REXO2: variants seen among roughly 807,000 people sequenced by gnomAD.
The protein encoded by REXO2 is RNA exonuclease 2.
REXO2 carries 17 observed loss-of-function variants against 30.9 expected under a neutral mutation model. The ratio of observed to expected loss-of-function variants is 0.55; its 90% CI spans 0.38 to 0.82. REXO2 has a LOEUF of 0.82. Among genes scored for constraint, REXO2 ranks in the 40% least tolerant of loss-of-function variants. The probability of loss-of-function intolerance (pLI) is 0.00; values close to 1 mark genes in which losing one functional copy is unlikely to be tolerated. For synonymous variants in REXO2, 105 were observed against 99.6 expected, an observed-to-expected ratio of 1.05 and a Z score of -0.32; for missense variants, 253 against 293.2, an observed-to-expected ratio of 0.86 and a Z score of 1.00.
At position 114,449,971 on chromosome 11, in the gene REXO2, G is replaced by A. The variant is rs894913070; in HGVS notation, c.710G>A (p.Ser237Asn). Residue 237 changes from serine (S) to asparagine (N), a missense_variant, in exon 7 of 7, where the codon AGT (serine) becomes AAT (asparagine). Coordinates refer to ENST00000265881, the MANE Select transcript of REXO2 (RefSeq NM_015523.4). The stretch of plus-strand genomic sequence containing the variant: ...AATGGGGAAAATGAGAAGACCGTGA[G>A]TTGATGCCAGTTATCATGCTGCCAC... Reference protein sequence around the residue: ...IENGENEKTVS With the variant: ...IENGENEKTVN 6 of 1,595,378 alleles carry A rather than the reference G, an allele frequency of 3.8e-6. No homozygotes were observed. The highest frequency in any genetic ancestry group is 2.7e-5 in the African/African-American group (2 of 73,650).
chr11:114,440,984 T>G (rs1194419909), intron 2 of REXO2: 1 of 384,402 alleles, frequency 2.6e-6, no homozygotes, highest in Non-Finnish European at 4.7e-6. Context: ...ACATAAATTC[T>G]GTCGTTTACT....
intron 2 of REXO2, 75 bp from the exon 3 acceptor site, chr11:114,443,781 C>A: frequency 9.3e-7 from 1 of 1,073,720 alleles, no homozygotes; most frequent in Non-Finnish European, 1.4e-6. Flanking sequence ...GTCCTTAAAA[C>A]AGCTTAAGCT....
chr11:114,449,437 T>TAGTA, intron 6 of REXO2, among the ~76,000 whole-genome samples: 1 of 90,114 alleles, frequency 1.1e-5, no homozygotes, highest in African/African-American at 7.8e-5. Context: ...TTTAGAAAAT[T>TAGTA]AATAAATTAG....
chr11:114,443,887 A>G lies in REXO2; in HGVS notation c.263A>G (p.Glu88Gly). ...AACCTGATTATAAAACAACCAGATG[A>G]GTTGCTGGACAGCATGTCAGATTGG... ...GPNLIIKQPD[E>G]LLDSMSDWCK... Residue 88 changes from glutamate (E) to glycine (G), a missense_variant, in exon 3 of 7, where the codon GAG becomes GGG. By Grantham distance (98) the Glu-to-Gly change is moderately conservative (BLOSUM62 -2). Transcript: ENST00000265881. The G allele has an allele frequency of 6.2e-7, 1 of 1,609,682 alleles. No individual in the cohort carries two copies. The highest frequency in any genetic ancestry group is 8.5e-7 in the Non-Finnish European group (1 of 1,178,006).
chr11:114,447,491 A>G (rs1239437460), intron 5 of REXO2, among the ~76,000 whole-genome samples: 4 of 152,078 alleles, frequency 2.6e-5, no homozygotes, highest in Non-Finnish European at 4.4e-5. Flanking sequence ...GGTGTTGACA[A>G]TGGTGGGTGT....
chr11:114,447,053 C>T (rs558427065), intron 5 of REXO2, among the ~76,000 whole-genome samples: 9 of 151,896 alleles, frequency 5.9e-5, no homozygotes, highest in African/African-American at 2.2e-4. Context: ...ATTCTCCTGC[C>T]TCAGCCTCCC....
chr11:114,447,911 T>G, intron 6 of REXO2, 32 bp downstream of exon 6: 1 of 1,576,416 alleles, frequency 6.3e-7, no homozygotes, highest in Non-Finnish European at 8.7e-7. Context: ...CGTTTTCCAG[T>G]CTGACACACA....
At chr11:114,448,828 C>G (rs1219237748) in intron 6 of REXO2, 1 of 152,210 alleles carries the variant, frequency 6.6e-6, no homozygotes, top group Admixed American at 6.5e-5. Flanking sequence ...ATAATAGGTT[C>G]TGTAAGTACT....
At chr11:114,442,949 T>C (rs1946488729) in intron 2 of REXO2, among the ~76,000 whole-genome samples, 1 of 152,224 alleles carries the variant, frequency 6.6e-6, no homozygotes, top group Non-Finnish European at 1.5e-5. Context: ...AGTGAACTAT[T>C]GGATTTTTGT....
chr11:114,444,110 T>C (rs1591211182), intron 3 of REXO2, 177 bp downstream of exon 3: 1 of 674,298 alleles, frequency 1.5e-6, no homozygotes, highest in East Asian at 2.9e-5. Context: ...CCTCTCGAGA[T>C]CATCTTCTCC....
intron 5 of REXO2, chr11:114,446,431 T>TA (rs1946510254): frequency 1.8e-5 from 3 of 170,034 alleles, no homozygotes; most frequent in South Asian, 1.9e-4. Flanking sequence ...GACATATGTG[T>TA]AAAAAAACGC....
chr11:114,445,986 A>T lies in REXO2; in HGVS notation c.429A>T (p.Ser143=), dbSNP rs1946507684. The T allele has an allele frequency of 1.9e-6, 3 of 1,574,202 alleles. No homozygotes were observed. Among genetic ancestry groups the T allele is most frequent in the Admixed American group, 1.7e-5 (1 of 59,834 alleles). Residue 143 remains serine (S), a synonymous_variant, in exon 5 of 7, where the codon TCA becomes TCT. Coordinates refer to ENST00000265881, the MANE Select transcript of REXO2 (RefSeq NM_015523.4). ...PPGLCPLAGN[S]VHEDKKFLDK... ...TGCTTCGTGTCTTTCTAGGAAATTCAGTTCATGAAGATAAGAAGTTTCTTG... is the reference window on the plus strand; with the variant it reads ...TGCTTCGTGTCTTTCTAGGAAATTCTGTTCATGAAGATAAGAAGTTTCTTG...
At position 114,446,072 on chromosome 11, in the gene REXO2, T is replaced by G. The variant is rs745449673; in HGVS notation, c.515T>G (p.Val172Gly). The change falls in exon 5 of 7, where the codon GTT (valine) becomes GGT (glycine). Residue 172 changes from valine (V) to glycine (G), a missense_variant. By Grantham distance (109) the Val-to-Gly change is moderately radical. Coordinates refer to ENST00000265881, the MANE Select transcript of REXO2 (RefSeq NM_015523.4). The part of the protein sequence containing the change: ...LHYRIIDVST[V>G]KELCRRWYPE... Reference sequence around the variant, plus strand: ...TATAGAATAATTGATGTGAGCACTGTTAAAGAACTGTGCAGGTAAGGGCTA... The same window carrying G: ...TATAGAATAATTGATGTGAGCACTGGTAAAGAACTGTGCAGGTAAGGGCTA... 6.3e-7 allele frequency: 1 copy of G among 1,579,346 alleles called. No individual in the cohort carries two copies. Among genetic ancestry groups the G allele is most frequent in the Non-Finnish European group, 8.7e-7 (1 of 1,151,574 alleles).
chr11:114,441,671 G>C (rs1364372819), intron 2 of REXO2: 1 of 699,088 alleles, frequency 1.4e-6, no homozygotes, highest in Non-Finnish European at 2.6e-6. Flanking sequence ...CTAGAGGGTA[G>C]CATTGATATG....
rs748859147 is a variant in REXO2 at position 114,444,555 on chromosome 11, G to T, written c.324G>T (p.Lys108Asn). The T allele has an allele frequency of 1.1e-5, 18 of 1,610,608 alleles. No individual in the cohort carries two copies. In the Admixed American group the frequency reaches 3.1e-4, roughly 27 times the overall value. The change falls in exon 4 of 7, where the codon AAG becomes AAT. Residue 108 changes from lysine (K) to asparagine (N), a missense_variant. Lys to Asn is a moderately conservative substitution (Grantham distance 94, BLOSUM62 0). Coordinates refer to ENST00000265881, the MANE Select transcript of REXO2 (RefSeq NM_015523.4). ...KEHHGKSGLT[K>N]AVKESTITLQ... ...CTCTCTTGCAGTCTGGCCTTACCAAGGCAGTGAAGGAGAGTACAATTACAT... is the reference window on the plus strand; with the variant it reads ...CTCTCTTGCAGTCTGGCCTTACCAATGCAGTGAAGGAGAGTACAATTACAT...
Position 114,446,035 on chromosome 11 carries a change from A to G in REXO2, c.478A>G (p.Lys160Glu), listed in dbSNP as rs1946507983. The G allele has an allele frequency of 1.2e-6, 2 of 1,610,104 alleles. No homozygotes were observed. The highest frequency in any genetic ancestry group is 1.7e-6 in the Non-Finnish European group (2 of 1,177,276). The change falls in exon 5 of 7, where the codon AAA (lysine) becomes GAA (glutamate). Residue 160 changes from lysine (K) to glutamate (E), a missense_variant. Lys to Glu is a moderately conservative substitution (Grantham distance 56). Transcript: ENST00000265881. The stretch of plus-strand genomic sequence containing the variant: ...TGACAAATACATGCCCCAGTTCATG[A>G]AACATCTTCATTATAGAATAATTGA... ...FLDKYMPQFM[K>E]HLHYRIIDVS...
At chr11:114,439,909 C>A (rs1024673254) in intron 1 of REXO2, 1 of 577,592 alleles carries the variant, frequency 1.7e-6, no homozygotes, top group African/African-American at 1.9e-5. Flanking sequence ...CGTGTGGCTT[C>A]TTCTCCTCCC....
At chr11:114,445,744 G>C (rs567941572) in intron 4 of REXO2, 1 of 416,558 alleles carries the variant, frequency 2.4e-6, no homozygotes, top group African/African-American at 2.0e-5. Flanking sequence ...TTGTCCTTCT[G>C]TTCATGAGAG....
chr11:114,440,506 C>T (rs1946469159), intron 1 of REXO2, 150 bp from the exon 2 acceptor site: 1 of 615,672 alleles, frequency 1.6e-6, no homozygotes, highest in Admixed American at 2.9e-5. Flanking sequence ...TTAGTACCTT[C>T]AGTAGTTGCC....
Sources: allele counts gnomAD v4.1 joint callset (sites outside exome capture counted in the v4.1 genomes callset), GRCh38; gene constraint gnomAD v4.1.1; transcripts MANE v1.5; gene names NCBI Gene and HGNC (gene_info 2026-07-23, HGNC 2026-07-21).